The following MAK variants were observed in gnomAD, a reference collection of about 807,000 sequenced individuals.
The protein encoded by MAK is serine/threonine-protein kinase MAK.
A neutral mutation model predicts 82.6 loss-of-function variants in MAK; 65 were observed. The observed-to-expected ratio is 0.79, with a 90% CI of 0.64 to 0.97. The LOEUF is 0.97. Among genes scored for constraint, MAK ranks in the 50% least tolerant of loss-of-function variants. The pLI is 0.00. For missense variants in MAK, 703 were observed against 780.2 expected, an observed-to-expected ratio of 0.90 and a Z score of 1.18; for synonymous variants, 250 against 274.2, an observed-to-expected ratio of 0.91 and a Z score of 0.87.
intron 4 of MAK, among the ~76,000 whole-genome samples, chr6:10,815,113 TTAAAA>T (rs1351547195): frequency 6.6e-6 from 1 of 152,112 alleles, no homozygotes; most frequent in Non-Finnish European, 1.5e-5. Context: ...AGCAGCCATG[TTAAAA>T]TAAATCAAAC....
intron 6 of MAK, among the ~76,000 whole-genome samples, chr6:10,806,181 T>TC (rs1776429198): frequency 6.6e-6 from 1 of 150,530 alleles, no homozygotes; most frequent in Non-Finnish European, 1.5e-5. Context: ...TCTTTTCTTT[T>TC]TTTTTTTTTT....
intron 1 of MAK, among the ~76,000 whole-genome samples, chr6:10,835,985 C>A (rs1450122773): frequency 6.6e-6 from 1 of 152,232 alleles, no homozygotes; most frequent in Non-Finnish European, 1.5e-5. Flanking sequence ...GACTTTCGAC[C>A]CAAGCCTGCG....
intron 13 of MAK, 140 bp from the exon 14 acceptor site, chr6:10,770,370 C>G: frequency 5.4e-6 from 5 of 922,614 alleles, no homozygotes; most frequent in Non-Finnish European, 8.4e-6. Flanking sequence ...GCACTTGTTA[C>G]AGATATTCTT....
intron 11 of MAK, among the ~76,000 whole-genome samples, chr6:10,775,913 C>A (rs370835263): frequency 6.6e-6 from 1 of 152,044 alleles, no homozygotes; most frequent in Admixed American, 6.6e-5. Flanking sequence ...CTCAGCCTCC[C>A]GAGTAGCTGG....
Position 10,808,860 on chromosome 6 carries a change from T to A in MAK, c.441A>T (p.Ala147=). The A allele has an allele frequency of 1.2e-6, 2 of 1,613,958 alleles. No individual in the cohort carries two copies. The highest frequency in any genetic ancestry group is 1.7e-6 in the Non-Finnish European group (2 of 1,179,928). ...ELVKIADFGL[A]RELRSQPPYT... Reference sequence around the variant, plus strand: ...ATGGTGGCTGTGACCTTAATTCTCTTGCAAGTCCAAAATCAGCAATTTTCA... The same window carrying A: ...ATGGTGGCTGTGACCTTAATTCTCTAGCAAGTCCAAAATCAGCAATTTTCA... The change falls in exon 6 of 15, where the codon GCA becomes GCT. Residue 147 remains alanine (A), a synonymous_variant. Coordinates refer to ENST00000354489, the MANE Select transcript of MAK (RefSeq NM_001242957.3).
chr6:10,805,389 C>T (rs542716808), intron 6 of MAK, among the ~76,000 whole-genome samples: 6 of 151,962 alleles, frequency 3.9e-5, no homozygotes, highest in East Asian at 1.9e-4. Flanking sequence ...AGTTCGAGAC[C>T]GGCCTGGCCA....
At chr6:10,764,644 A>G (rs770611432) in intron 14 of MAK, 38 bp from the exon 15 acceptor site, 3 of 1,581,118 alleles carry the variant, frequency 1.9e-6, no homozygotes, top group South Asian at 2.2e-5. Flanking sequence ...GGTTTTACTC[A>G]TTTGCTTATC....
At chr6:10,811,923 G>T (rs926748768) in intron 5 of MAK, among the ~76,000 whole-genome samples, 2 of 152,152 alleles carry the variant, frequency 1.3e-5, no homozygotes, top group Non-Finnish European at 2.9e-5. Context: ...GAGGAGGATG[G>T]GTGTGATGGC....
chr6:10,792,739 G>A (rs1402457640), intron 9 of MAK, among the ~76,000 whole-genome samples: 2 of 152,202 alleles, frequency 1.3e-5, no homozygotes, highest in African/African-American at 4.8e-5. Context: ...GATTCTTAAA[G>A]AATGGACATG....
chr6:10,812,858 C>T (rs545230529), intron 5 of MAK, among the ~76,000 whole-genome samples: 1 of 149,990 alleles, frequency 6.7e-6, no homozygotes, highest in East Asian at 2.0e-4. Flanking sequence ...CTGCCTCCTG[C>T]GTTCAAGCGA....
chr6:10,778,731 A>G (rs1013302933), intron 11 of MAK, among the ~76,000 whole-genome samples: 3 of 152,158 alleles, frequency 2.0e-5, no homozygotes, highest in African/African-American at 7.2e-5. Context: ...GTGAAAAAGC[A>G]GAGGCTAATG....
intron 8 of MAK, among the ~76,000 whole-genome samples, chr6:10,797,378 G>C (rs1775651924): frequency 6.6e-6 from 1 of 152,138 alleles, no homozygotes; most frequent in Admixed American, 6.6e-5. Flanking sequence ...GAGATATCTG[G>C]CAATGTCTGG....
intron 2 of MAK, among the ~76,000 whole-genome samples, chr6:10,824,110 T>C (rs1294168635): frequency 2.0e-5 from 3 of 152,186 alleles, no homozygotes; most frequent in Non-Finnish European, 4.4e-5. Flanking sequence ...CTTGTATGAC[T>C]CTTGTAGATA....
intron 1 of MAK, among the ~76,000 whole-genome samples, chr6:10,837,511 C>A (rs1368177969): frequency 1.3e-5 from 2 of 152,188 alleles, no homozygotes; most frequent in African/African-American, 4.8e-5. Context: ...GCCGGGGAGG[C>A]GGGGCCCGAT....
intron 12 of MAK, 71 bp from the exon 13 acceptor site, chr6:10,773,179 G>A: frequency 1.2e-6 from 1 of 820,608 alleles, no homozygotes; most frequent in Non-Finnish European, 1.8e-6. Flanking sequence ...GAGAAAAAAT[G>A]GATTAGATGA....
intron 11 of MAK, among the ~76,000 whole-genome samples, chr6:10,783,100 T>A (rs1247074083): frequency 1.3e-5 from 2 of 152,118 alleles, no homozygotes; most frequent in Non-Finnish European, 2.9e-5. Flanking sequence ...GGCCCACTCG[T>A]GTTTAGAAAG....
Position 10,801,874 on chromosome 6 carries a change from C to T in MAK, c.831+18G>A. On this transcript the variant is annotated intron_variant, in intron 8 of 14. Coordinates refer to ENST00000354489, the MANE Select transcript of MAK (RefSeq NM_001242957.3). ...AACCTAAACATTTTTAAAGGTCTAA[C>T]AGGAAGACTCCTCTTACCTGGCTTG... is the stretch of plus-strand genomic sequence containing the variant. 6.2e-7 allele frequency: 1 copy of T among 1,612,880 alleles called. No individual in the cohort carries two copies. The highest frequency in any genetic ancestry group is 8.5e-7 in the Non-Finnish European group (1 of 1,178,816).
intron 2 of MAK, among the ~76,000 whole-genome samples, chr6:10,819,908 C>G (rs1351231160): frequency 1.3e-5 from 2 of 151,754 alleles, no homozygotes; most frequent in Non-Finnish European, 2.9e-5. Flanking sequence ...GTCAGGAGAT[C>G]GAGACCATCC....
At chr6:10,799,159 A>G (rs1561967584) in intron 8 of MAK, among the ~76,000 whole-genome samples, 3 of 152,152 alleles carry the variant, frequency 2.0e-5, no homozygotes, top group South Asian at 2.1e-4. Context: ...TTAACTTTCA[A>G]TGTACAGTTT....
Sources: allele counts gnomAD v4.1 joint callset (sites outside exome capture counted in the v4.1 genomes callset), GRCh38; gene constraint gnomAD v4.1.1; transcripts MANE v1.5; gene names NCBI Gene and HGNC (gene_info 2026-07-23, HGNC 2026-07-21).